Variants in GABRB3 observed in about 807,000 individuals in gnomAD.
GABRB3 encodes gamma-aminobutyric acid type A receptor subunit beta3.
Under a neutral mutation model 52.1 loss-of-function variants are expected in GABRB3, and 14 were observed. That is an observed-to-expected ratio of 0.27 (90% confidence interval 0.18 to 0.42). The LOEUF (loss-of-function observed/expected upper bound fraction) is 0.42, where lower values mean the gene tolerates loss of function less well. GABRB3 is among the 10% of genes least tolerant of loss of function. GABRB3 has a pLI of 1.00. For synonymous variants in GABRB3, 260 were observed against 232.3 expected (o/e 1.12, Z -1.08); for missense variants, 307 against 609.1 (o/e 0.50, Z 5.22).
intron 3 of GABRB3, among the ~76,000 whole-genome samples, chr15:26,675,591 C>T (rs1034780910): frequency 2.6e-5 from 4 of 152,222 alleles, no homozygotes; most frequent in South Asian, 2.1e-4. Flanking sequence ...GTATAGGAAC[C>T]ACTGCAGTGG....
chr15:26,601,250 G>A (rs546072044), intron 4 of GABRB3, among the ~76,000 whole-genome samples: 8 of 152,004 alleles, frequency 5.3e-5, no homozygotes, highest in Non-Finnish European at 8.8e-5. Flanking sequence ...GGCAAAACCC[G>A]GTCCCCACTA....
At chr15:26,615,554 G>A (rs1892223300) in intron 4 of GABRB3, 3 of 653,270 alleles carry the variant, frequency 4.6e-6, no homozygotes, top group South Asian at 6.4e-5. Context: ...AAGCATCTGC[G>A]TGAGTGGTCA....
At chr15:26,632,568 C>T (rs1892940808) in intron 3 of GABRB3, among the ~76,000 whole-genome samples, 1 of 152,298 alleles carries the variant, frequency 6.6e-6, no homozygotes, top group Non-Finnish European at 1.5e-5. Context: ...ATACATTGTA[C>T]TGTGAGAAGA....
intron 3 of GABRB3, among the ~76,000 whole-genome samples, chr15:26,643,999 T>C (rs1377333292): frequency 6.6e-6 from 1 of 151,710 alleles, no homozygotes; most frequent in African/African-American, 2.4e-5. Context: ...CCATGAGAAG[T>C]GACAGGGAGT....
In GABRB3 at chr15:26,610,645, T is replaced by C. The variant is rs199647600; in HGVS notation, c.461+10669A>G. ...GGGATGGAGTTATGTGATGATCTTC[T>C]GTAGTGCTGTTTGGCCCCAGTGATC... On this transcript the variant is annotated intron_variant, in intron 4 of 8. Transcript: ENST00000311550. 1.7e-4 allele frequency among the ~76,000 whole-genome samples: 26 copies of C among 152,284 alleles called. No individual in the cohort carries two copies. In the East Asian group the frequency reaches 2.7e-3, roughly 16 times the overall value.
intron 3 of GABRB3, among the ~76,000 whole-genome samples, chr15:26,679,442 G>A (rs982505204): frequency 3.9e-5 from 6 of 152,058 alleles, no homozygotes; most frequent in Non-Finnish European, 5.9e-5. Context: ...CCGGTCACAC[G>A]CATTGCTCTA....
chr15:26,773,714 C>T, upstream of GABRB3: 1 of 1,569,166 alleles, frequency 6.4e-7, no homozygotes, highest in Non-Finnish European at 8.6e-7. Flanking sequence ...CTCCAGGAGC[C>T]CGGAGCACAT....
chr15:26,645,219 C>T (rs892083892), intron 3 of GABRB3, among the ~76,000 whole-genome samples: 10 of 152,176 alleles, frequency 6.6e-5, no homozygotes, highest in East Asian at 1.9e-4. Context: ...ACAGCCTGGG[C>T]GACGGAGTGA....
At chr15:26,593,674 T>A (rs1280351739) in intron 4 of GABRB3, among the ~76,000 whole-genome samples, 4 of 152,118 alleles carry the variant, frequency 2.6e-5, no homozygotes, top group African/African-American at 7.2e-5. Context: ...ACTGAAAAAA[T>A]TCCATTATAT....
intron 3 of GABRB3, among the ~76,000 whole-genome samples, chr15:26,745,189 C>T (rs1480057674): frequency 1.3e-5 from 2 of 152,184 alleles, no homozygotes; most frequent in Non-Finnish European, 2.9e-5. Context: ...ATGACCCAAA[C>T]GCCTCCCACC....
At chr15:26,583,297 TAGG>T (rs1338943400) in intron 5 of GABRB3, 32 bp downstream of exon 5, 2 of 1,526,434 alleles carry the variant, frequency 1.3e-6, no homozygotes, top group Admixed American at 1.7e-5. Flanking sequence ...AAAGTACAAA[TAGG>T]AGGAGAAAGA....
intron 8 of GABRB3, among the ~76,000 whole-genome samples, chr15:26,549,235 A>G (rs754322063): frequency 3.3e-5 from 5 of 152,298 alleles, no homozygotes; most frequent in South Asian, 2.1e-4. Flanking sequence ...AATTTCATCA[A>G]TGGCATCCAG....
intron 4 of GABRB3, among the ~76,000 whole-genome samples, chr15:26,588,791 T>A (rs1313994762): frequency 6.6e-6 from 1 of 152,220 alleles, no homozygotes; most frequent in Non-Finnish European, 1.5e-5. Context: ...TTCTACATGC[T>A]ATTCCTACAG....
chr15:26,729,454 C>T (rs932597175), intron 3 of GABRB3, among the ~76,000 whole-genome samples: 3 of 152,110 alleles, frequency 2.0e-5, no homozygotes, highest in African/African-American at 7.2e-5. Context: ...CATCATCCTC[C>T]GCACAGCACA....
chr15:26,698,486 A>G (rs1013723631), intron 3 of GABRB3, among the ~76,000 whole-genome samples: 2 of 152,222 alleles, frequency 1.3e-5, no homozygotes, highest in African/African-American at 4.8e-5. Context: ...GCAAACATAA[A>G]CAACATTGTG....
intron 3 of GABRB3, among the ~76,000 whole-genome samples, chr15:26,631,108 A>C (rs1236860856): frequency 6.6e-6 from 1 of 152,188 alleles, no homozygotes; most frequent in Non-Finnish European, 1.5e-5. Flanking sequence ...GGAAGCCCTG[A>C]GTGCCGGGAG....
Position 26,607,589 on chromosome 15 carries a change from C to CAAACA in GABRB3, c.461+13720_461+13724dup, listed in dbSNP as rs71130260. ...CCTGTCTAAAAAAAAACTCACCAAA[C>CAAACA]AAACAAAACAAAACAAAACAAAACA... On this transcript the variant is annotated intron_variant, in intron 4 of 8. Coordinates refer to ENST00000311550, the MANE Select transcript of GABRB3 (RefSeq NM_000814.6). Among the ~76,000 whole-genome samples, 14 of 150,664 alleles carry CAAACA rather than the reference C, an allele frequency of 9.3e-5. No homozygotes were observed. In the East Asian group the frequency reaches 2.0e-3, roughly 21 times the overall value.
intron 4 of GABRB3, among the ~76,000 whole-genome samples, chr15:26,598,648 G>A (rs1439787551): frequency 6.6e-6 from 1 of 152,166 alleles, no homozygotes; most frequent in Non-Finnish European, 1.5e-5. Context: ...TCTACATGGG[G>A]AAAAGAAAAT....
intron 3 of GABRB3, among the ~76,000 whole-genome samples, chr15:26,687,673 T>A (rs960865132): frequency 2.0e-5 from 3 of 152,204 alleles, no homozygotes; most frequent in African/African-American, 7.2e-5. Flanking sequence ...TTCACTTAAT[T>A]GAGAAAAGTT....
Sources: gnomAD v4.1 joint callset for allele counts (sites outside exome capture counted in the v4.1 genomes callset) on GRCh38, gnomAD v4.1.1 for gene constraint, MANE v1.5 for transcripts, NCBI Gene and HGNC (gene_info 2026-07-23, HGNC 2026-07-21) for gene names.